Variants in N4BP1 observed in about 807,000 individuals in gnomAD.
N4BP1 encodes the protein NEDD4-binding protein 1.
A neutral mutation model predicts 70.9 loss-of-function variants in N4BP1; 21 were observed. That is an observed-to-expected ratio of 0.30 (90% CI 0.21 to 0.43). N4BP1 has a LOEUF of 0.43. N4BP1 is among the 20% of genes least tolerant of loss of function. The probability of loss-of-function intolerance (pLI) is 1.00; values close to 1 mark genes in which losing one functional copy is unlikely to be tolerated. For synonymous variants in N4BP1, 387 were observed against 394.6 expected, an observed-to-expected ratio of 0.98 and a Z score of 0.23; for missense variants, 936 against 1,069.4, an observed-to-expected ratio of 0.88 and a Z score of 1.74.
intron 1 of N4BP1, among the ~76,000 whole-genome samples, chr16:48,579,926 CAT>C (rs59398610): frequency 0.011 from 1,595 of 150,400 alleles, 20 homozygotes; most frequent in African/African-American, 0.034. Context: ...ACTATACATA[CAT>C]ATATATATAT....
At chr16:48,552,949 C>T (rs1342856306) in intron 3 of N4BP1, among the ~76,000 whole-genome samples, 1 of 152,014 alleles carries the variant, frequency 6.6e-6, no homozygotes, top group African/African-American at 2.4e-5. Flanking sequence ...ACCCTCCTTC[C>T]CCACAATCTA....
chr16:48,545,969 A>C (rs1963585450), intron 6 of N4BP1, 178 bp downstream of exon 6: 3 of 468,754 alleles, frequency 6.4e-6, no homozygotes, highest in Non-Finnish European at 1.1e-5. Context: ...CAAAGGTTGC[A>C]GTGAGCCGAA....
Position 48,543,047 on chromosome 16 carries a change from A to G in N4BP1, c.2548T>C (p.Ser850Pro), listed in dbSNP as rs1963530399. ...CTCAGCTCGTTGGTTTCTGCAGAAG[A>G]TCTCTGAGCTGGCATGGGCAGGTTC... ...QQNLPMPAQR[S>P]SAETNELREA... Residue 850 changes from serine to proline, a missense_variant, in exon 7 of 7, where the codon TCT becomes CCT. Transcript: ENST00000262384. 6.2e-7 allele frequency: 1 copy of G among 1,613,926 alleles called. No individual in the cohort carries two copies. Among genetic ancestry groups the G allele is most frequent in the African/African-American group, 1.3e-5 (1 of 74,954 alleles).
At chr16:48,596,068 C>G (rs1964409121) in intron 1 of N4BP1, among the ~76,000 whole-genome samples, 1 of 152,042 alleles carries the variant, frequency 6.6e-6, no homozygotes, top group African/African-American at 2.4e-5. Flanking sequence ...AGAAATCAGG[C>G]CAAGTATAAT....
At chr16:48,582,836 G>A (rs924759502) in intron 1 of N4BP1, among the ~76,000 whole-genome samples, 13 of 152,190 alleles carry the variant, frequency 8.5e-5, no homozygotes, top group Admixed American at 7.2e-4. Flanking sequence ...GCTCATGCCT[G>A]TAATCCTAGC....
intron 3 of N4BP1, among the ~76,000 whole-genome samples, chr16:48,552,657 C>T (rs950404499): frequency 7.6e-5 from 10 of 131,620 alleles, no homozygotes; most frequent in East Asian, 2.4e-4. Context: ...GAGATCATGC[C>T]GCTGCACTCC....
intron 1 of N4BP1, among the ~76,000 whole-genome samples, chr16:48,574,033 C>T (rs1369333304): frequency 6.6e-6 from 1 of 152,124 alleles, no homozygotes; most frequent in South Asian, 2.1e-4. Flanking sequence ...TTCAAACCCA[C>T]GTTGTTCAAG....
In N4BP1 at chr16:48,542,829, T is replaced by C. The variant is rs1032326222; in HGVS notation, c.*75A>G. ...AATAAGTTTCTTCACATTATGTTCA[T>C]TCCCATCAGGTACAGGTGTGAGCTT... is the stretch of plus-strand genomic sequence containing the variant. On this transcript the variant is annotated 3_prime_UTR_variant, in exon 7 of 7. Transcript: ENST00000262384. 2 of 1,263,322 alleles carry C rather than the reference T, an allele frequency of 1.6e-6. No homozygotes were observed. Among genetic ancestry groups the C allele is most frequent in the African/African-American group, 1.5e-5 (1 of 66,916 alleles). The allele number at this position is 1,263,322 out of a possible 1,614,324, so 78.3% of individuals were successfully genotyped here. A position where few individuals can be genotyped will look rare whatever the true frequency, so the allele number is the denominator to read the frequency against.
chr16:48,605,258 C>T (rs926122240), intron 1 of N4BP1, among the ~76,000 whole-genome samples: 4 of 152,060 alleles, frequency 2.6e-5, no homozygotes, highest in African/African-American at 4.8e-5. Flanking sequence ...CTCGAACTCC[C>T]GACCTCAGGT....
intron 1 of N4BP1, among the ~76,000 whole-genome samples, chr16:48,574,444 T>C (rs572747489): frequency 6.6e-6 from 1 of 152,324 alleles, no homozygotes; most frequent in South Asian, 2.1e-4. Context: ...ATTAGTTTAA[T>C]TGAATATTAT....
chr16:48,600,399 A>G (rs1375504973), intron 1 of N4BP1: 2 of 700,744 alleles, frequency 2.9e-6, no homozygotes, highest in African/African-American at 3.5e-5. Context: ...TGAAACCATC[A>G]AATACCAGTG....
intron 1 of N4BP1, among the ~76,000 whole-genome samples, chr16:48,605,468 T>C (rs1047730956): frequency 1.3e-5 from 2 of 152,198 alleles, no homozygotes; most frequent in Admixed American, 1.3e-4. Context: ...AGGCAACAGC[T>C]AGCCAGTACC....
chr16:48,607,734 T>C (rs1383606325), intron 1 of N4BP1, among the ~76,000 whole-genome samples: 2 of 152,202 alleles, frequency 1.3e-5, no homozygotes, highest in Non-Finnish European at 2.9e-5. Flanking sequence ...GTGCAGAAGA[T>C]TGGATAGCTG....
At chr16:48,598,468 G>A (rs1964452083) in intron 1 of N4BP1, among the ~76,000 whole-genome samples, 1 of 152,136 alleles carries the variant, frequency 6.6e-6, no homozygotes, top group African/African-American at 2.4e-5. Context: ...AAAAGGAAAA[G>A]AAGGTGGAGA....
At chr16:48,570,917 G>A (rs1302000916) in intron 1 of N4BP1, among the ~76,000 whole-genome samples, 6 of 152,124 alleles carry the variant, frequency 3.9e-5, no homozygotes, top group East Asian at 1.9e-4. Flanking sequence ...TTGGCCTCCC[G>A]AATAGCTGGG....
intron 1 of N4BP1, among the ~76,000 whole-genome samples, chr16:48,571,310 G>C (rs149621961): frequency 6.6e-6 from 1 of 152,308 alleles, no homozygotes; most frequent in African/African-American, 2.4e-5. Context: ...TTCTCCAGAT[G>C]AAAGACCCTC....
intron 1 of N4BP1, among the ~76,000 whole-genome samples, chr16:48,595,739 A>G (rs1271703574): frequency 1.3e-5 from 2 of 152,196 alleles, no homozygotes; most frequent in African/African-American, 2.4e-5. Flanking sequence ...TAAGGAATCA[A>G]ACTTGACTTA....
intron 1 of N4BP1, among the ~76,000 whole-genome samples, chr16:48,586,384 C>T (rs1597107540): frequency 1.3e-5 from 2 of 152,340 alleles, no homozygotes; most frequent in African/African-American, 4.8e-5. Context: ...CATTACTGCA[C>T]CCAGCAAAAC....
chr16:48,554,783 G>A (rs1963726944), intron 2 of N4BP1, among the ~76,000 whole-genome samples: 1 of 152,220 alleles, frequency 6.6e-6, no homozygotes, highest in South Asian at 2.1e-4. Flanking sequence ...TGTGTCCCGA[G>A]TTAAACCCAG....
Sources: gnomAD v4.1 joint callset for allele counts (sites outside exome capture counted in the v4.1 genomes callset) on GRCh38, gnomAD v4.1.1 for gene constraint, MANE v1.5 for transcripts, NCBI Gene and HGNC (gene_info 2026-07-23, HGNC 2026-07-21) for gene names.